The following RBFOX1 variants were observed in gnomAD, a reference collection of about 807,000 sequenced individuals.
RBFOX1 encodes RNA binding fox-1 homolog 1, also known as RNA binding protein fox-1 homolog 1.
RBFOX1 carries 8 observed loss-of-function variants against 57.7 expected under a neutral mutation model. The ratio of observed to expected loss-of-function variants is 0.14; its 90% CI spans 0.08 to 0.25. The LOEUF is 0.25. Among genes scored for constraint, RBFOX1 ranks in the 10% least tolerant of loss-of-function variants. RBFOX1 has a pLI of 1.00. For synonymous variants in RBFOX1, 326 were observed against 222.4 expected (o/e 1.47, Z -4.15); for missense variants, 611 against 548.5 (o/e 1.11, Z -1.14).
chr16:7,506,677 T>C (rs186459000), intron 4 of RBFOX1, among the ~76,000 whole-genome samples: 2 of 152,186 alleles, frequency 1.3e-5, no homozygotes, highest in African/African-American at 4.8e-5. Context: ...AGACTCATAA[T>C]AAGATTGTGT....
chr16:7,470,894 G>A (rs376008562), intron 4 of RBFOX1, among the ~76,000 whole-genome samples: 1 of 150,696 alleles, frequency 6.6e-6, no homozygotes, highest in Admixed American at 6.6e-5. Context: ...GGATGGGGGA[G>A]TATAATTTGC....
intron 4 of RBFOX1, among the ~76,000 whole-genome samples, chr16:7,238,063 T>C (rs1215748304): frequency 6.6e-6 from 1 of 152,216 alleles, no homozygotes; most frequent in African/African-American, 2.4e-5. Context: ...AGGACATTAT[T>C]CTAAGTGAAA....
chr16:6,762,423 C>T (rs1217257570), intron 3 of RBFOX1, among the ~76,000 whole-genome samples: 1 of 152,010 alleles, frequency 6.6e-6, no homozygotes, highest in Admixed American at 6.6e-5. Flanking sequence ...GAACATACCA[C>T]CACCGACAAT....
chr16:6,839,269 G>C (rs1490428985), intron 3 of RBFOX1, among the ~76,000 whole-genome samples: 1 of 152,178 alleles, frequency 6.6e-6, no homozygotes, highest in African/African-American at 2.4e-5. Flanking sequence ...ACAGGCAAGA[G>C]CCACTGTGCC....
chr16:5,740,405 A>G (rs1246663026), intron 3 of RBFOX1, among the ~76,000 whole-genome samples: 1 of 152,252 alleles, frequency 6.6e-6, no homozygotes, highest in Non-Finnish European at 1.5e-5. Flanking sequence ...AGTGTCAGCT[A>G]GTGCGTATGA....
At chr16:6,621,142 A>G (rs1454337688) in intron 2 of RBFOX1, among the ~76,000 whole-genome samples, 2 of 152,146 alleles carry the variant, frequency 1.3e-5, no homozygotes, top group Non-Finnish European at 2.9e-5. Context: ...TCTGTATTTT[A>G]AATCTCCCTC....
chr16:5,880,309 C>G (rs1858569463), intron 4 of RBFOX1, among the ~76,000 whole-genome samples: 1 of 152,130 alleles, frequency 6.6e-6, no homozygotes, highest in African/African-American at 2.4e-5. Flanking sequence ...GGTTTTTTGC[C>G]TCCCAAGGTT....
intron 1 of RBFOX1, among the ~76,000 whole-genome samples, chr16:6,256,735 T>C (rs981255609): frequency 6.6e-6 from 1 of 152,088 alleles, no homozygotes; most frequent in Non-Finnish European, 1.5e-5. Flanking sequence ...GCCAGCAGTG[T>C]CTTCCTCTCC....
chr16:7,020,335 C>G (rs182017089), intron 3 of RBFOX1, among the ~76,000 whole-genome samples: 1 of 152,050 alleles, frequency 6.6e-6, no homozygotes, highest in Non-Finnish European at 1.5e-5. Flanking sequence ...AAGTGATTCT[C>G]CTGCCTCAGC....
intron 3 of RBFOX1, among the ~76,000 whole-genome samples, chr16:7,021,824 A>T (rs754756491): frequency 3.3e-5 from 5 of 151,246 alleles, no homozygotes; most frequent in Non-Finnish European, 7.4e-5. Context: ...TTTATTTCTA[A>T]TTCTTGAAGG....
intron 3 of RBFOX1, among the ~76,000 whole-genome samples, chr16:5,652,629 A>T (rs2049278160): frequency 6.6e-6 from 1 of 151,922 alleles, no homozygotes; most frequent in Admixed American, 6.6e-5. Context: ...CCACTCACCC[A>T]CCCGGCTTCA....
chr16:7,470,530 T>A (rs144927446), intron 4 of RBFOX1, among the ~76,000 whole-genome samples: 52 of 151,600 alleles, frequency 3.4e-4, no homozygotes, highest in African/African-American at 1.2e-3. Context: ...GATGGTTGGG[T>A]AGATGAGTGG....
At chr16:7,174,507 G>T (rs573130388) in intron 4 of RBFOX1, among the ~76,000 whole-genome samples, 3 of 152,168 alleles carry the variant, frequency 2.0e-5, no homozygotes, top group Admixed American at 1.3e-4. Flanking sequence ...CTGGCTGGGC[G>T]CAGTGGCTCA....
At chr16:5,709,994 G>T (rs1306579483) in intron 3 of RBFOX1, among the ~76,000 whole-genome samples, 1 of 150,298 alleles carries the variant, frequency 6.7e-6, no homozygotes, top group East Asian at 2.0e-4. Context: ...CTCTAACTCA[G>T]GCGCATTGGG....
intron 2 of RBFOX1, among the ~76,000 whole-genome samples, chr16:6,510,433 G>A (rs558848554): frequency 7.2e-5 from 11 of 152,274 alleles, no homozygotes; most frequent in African/African-American, 2.6e-4. Flanking sequence ...CCCTGACCTG[G>A]CTAAGCTCCC....
intron 4 of RBFOX1, among the ~76,000 whole-genome samples, chr16:7,069,145 A>G (rs2056794553): frequency 7.2e-6 from 1 of 138,758 alleles, no homozygotes; most frequent in African/African-American, 2.6e-5. Flanking sequence ...TGGCTATGAA[A>G]AACACCTATG....
At chr16:7,101,258 G>C (rs185407473) in intron 4 of RBFOX1, among the ~76,000 whole-genome samples, 334 of 152,302 alleles carry the variant, frequency 2.2e-3, no homozygotes, top group African/African-American at 7.8e-3. Flanking sequence ...GAGAAACCGA[G>C]TGAGTGCAGT....
chr16:7,186,090 T>C (rs1383593522), intron 4 of RBFOX1, among the ~76,000 whole-genome samples: 4 of 152,042 alleles, frequency 2.6e-5, no homozygotes, highest in Non-Finnish European at 4.4e-5. Context: ...TCTTTATTTG[T>C]CACTGGTATT....
chr16:5,433,809 G>T (rs1282494221), intron 1 of RBFOX1, among the ~76,000 whole-genome samples: 1 of 152,156 alleles, frequency 6.6e-6, no homozygotes, highest in African/African-American at 2.4e-5. Context: ...CCAGCATCTA[G>T]CATGGTGCAT....
Sources: allele counts gnomAD v4.1 joint callset (sites outside exome capture counted in the v4.1 genomes callset), GRCh38; gene constraint gnomAD v4.1.1; transcripts MANE v1.5; gene names NCBI Gene and HGNC (gene_info 2026-07-23, HGNC 2026-07-21).